PRUNE2: variants seen among roughly 807,000 people sequenced by gnomAD.
PRUNE2 encodes the protein protein prune homolog 2.
A neutral mutation model predicts 252.0 loss-of-function variants in PRUNE2; 164 were observed. The ratio of observed to expected loss-of-function variants is 0.65; its 90% CI spans 0.57 to 0.74. The LOEUF is 0.74. PRUNE2 is among the 30% of genes least tolerant of loss of function. The pLI is 0.00. For synonymous variants in PRUNE2, 1,292 were observed against 1,350.2 expected, an observed-to-expected ratio of 0.96 and a Z score of 0.94; for missense variants, 3,495 against 3,711.0, an observed-to-expected ratio of 0.94 and a Z score of 1.51.
At chr9:76,614,696 A>G in intron 18 of PRUNE2, 96 bp from the exon 19 acceptor site, 1 of 892,020 alleles carries the variant, frequency 1.1e-6, no homozygotes, top group East Asian at 2.5e-5. Flanking sequence ...TTTTCCTCAA[A>G]GGACATACTG....
chr9:76,799,071 T>C (rs2056344066), intron 6 of PRUNE2, among the ~76,000 whole-genome samples: 2 of 152,202 alleles, frequency 1.3e-5, no homozygotes, highest in Admixed American at 1.3e-4. Context: ...CCAAACGCGG[T>C]GGCTCACGCC....
intron 6 of PRUNE2, among the ~76,000 whole-genome samples, chr9:76,790,404 C>A (rs1027259460): frequency 1.3e-5 from 2 of 152,156 alleles, no homozygotes; most frequent in African/African-American, 2.4e-5. Flanking sequence ...AATTTTCATG[C>A]CAGTAAAACA....
At chr9:76,854,760 G>A (rs2060147828) in intron 1 of PRUNE2, among the ~76,000 whole-genome samples, 1 of 151,932 alleles carries the variant, frequency 6.6e-6, no homozygotes, top group Non-Finnish European at 1.5e-5. Context: ...AAAATTAATT[G>A]TTCTTAAAAG....
chr9:76,672,338 A>C (rs1336866199), intron 9 of PRUNE2, among the ~76,000 whole-genome samples: 5 of 109,922 alleles, frequency 4.5e-5, no homozygotes, highest in African/African-American at 6.9e-5. Flanking sequence ...GGATCAATTC[A>C]ACAAGAAGAG....
At chr9:76,826,787 G>C (rs918737416) in intron 4 of PRUNE2, 55 bp from the exon 5 acceptor site, 249 of 1,405,998 alleles carry the variant, frequency 1.8e-4, no homozygotes, top group Non-Finnish European at 2.6e-5. Flanking sequence ...CCAGAACAGG[G>C]GCCAAGAAAA....
rs192169784 is a variant in PRUNE2 at position 76,840,885 on chromosome 9, G to A, written c.508+5630C>T. Among the ~76,000 whole-genome samples, 314 of 152,160 alleles carry A rather than the reference G, an allele frequency of 2.1e-3. 1 individual carries two copies. The highest frequency in any genetic ancestry group is 6.8e-3 in the African/African-American group (283 of 41,520). On this transcript the variant is annotated intron_variant, in intron 4 of 18. Transcript: ENST00000376718. ...AATCCCAGCTACTTGAGAGGCTGACGCAGGAGAATCGCTTGAACCCGAGAG... is the reference window on the plus strand; with the variant it reads ...AATCCCAGCTACTTGAGAGGCTGACACAGGAGAATCGCTTGAACCCGAGAG...
At chr9:76,697,768 T>C (rs1336174147) in intron 9 of PRUNE2, among the ~76,000 whole-genome samples, 1 of 152,202 alleles carries the variant, frequency 6.6e-6, no homozygotes, top group Non-Finnish European at 1.5e-5. Context: ...ACTTTCTCAT[T>C]TCTGGATGAC....
At chr9:76,657,840 T>C (rs1221082599) in intron 9 of PRUNE2, among the ~76,000 whole-genome samples, 3 of 152,204 alleles carry the variant, frequency 2.0e-5, no homozygotes, top group Non-Finnish European at 2.9e-5. Flanking sequence ...GATAATCTTA[T>C]TACTGCACAA....
chr9:76,763,649 T>C (rs745511105), intron 6 of PRUNE2, among the ~76,000 whole-genome samples: 9 of 152,140 alleles, frequency 5.9e-5, no homozygotes, highest in Non-Finnish European at 1.3e-4. Flanking sequence ...CTGTGCTCTC[T>C]GAGGACTGAG....
intron 11 of PRUNE2, 122 bp from the exon 12 acceptor site, chr9:76,645,031 C>T: frequency 1.2e-6 from 1 of 844,328 alleles, no homozygotes; most frequent in African/African-American, 1.7e-5. Context: ...TTGTTTCATC[C>T]TGCAGAAACA....
chr9:76,638,413 T>G, intron 12 of PRUNE2, 125 bp from the exon 13 acceptor site: 1 of 656,708 alleles, frequency 1.5e-6, no homozygotes. Flanking sequence ...CAGCATGAAA[T>G]GGGGATTATG....
chr9:76,858,339 G>T (rs570826024), intron 1 of PRUNE2, among the ~76,000 whole-genome samples: 1 of 152,138 alleles, frequency 6.6e-6, no homozygotes, highest in African/African-American at 2.4e-5. Flanking sequence ...CTGAGGTGAG[G>T]TTCATTAGAA....
intron 1 of PRUNE2, among the ~76,000 whole-genome samples, chr9:76,855,082 A>AAAAAAAATATATAT (rs1490285240): frequency 9.1e-6 from 1 of 109,438 alleles, no homozygotes; most frequent in African/African-American, 3.9e-5. Flanking sequence ...AAAAAAAAAA[A>AAAAAAAATATATAT]ATATATATAT....
chr9:76,697,663 A>T (rs684639), intron 9 of PRUNE2, among the ~76,000 whole-genome samples: 76,365 of 152,136 alleles, frequency 0.5, 20,753 homozygotes, highest in Middle Eastern at 0.72. Context: ...AACCTATAGA[A>T]GCAGCTCAAG....
intron 4 of PRUNE2, among the ~76,000 whole-genome samples, chr9:76,831,006 T>C (rs1359502228): frequency 6.6e-6 from 1 of 151,708 alleles, no homozygotes; most frequent in African/African-American, 2.4e-5. Context: ...CTCGGCTCTC[T>C]GCAAGCTCCA....
intron 9 of PRUNE2, among the ~76,000 whole-genome samples, chr9:76,684,021 T>G (rs28568744): frequency 6.6e-6 from 1 of 151,728 alleles, no homozygotes; most frequent in Non-Finnish European, 1.5e-5. Context: ...TTGACATATA[T>G]TTACACTGTA....
chr9:76,704,059 T>C lies in PRUNE2; in HGVS notation c.7554A>G (p.Thr2518=). The part of the protein sequence containing the change: ...KEISELEEEK[T]IPTKEPEQIK... ...TCTGCTCAGGCTCTTTGGTAGGAAT[T>C]GTTTTTTCTTCTTCCAATTCTGATA... Residue 2518 remains threonine, a synonymous_variant, in exon 9 of 19, where the codon ACA becomes ACG. Coordinates refer to ENST00000376718, the MANE Select transcript of PRUNE2 (RefSeq NM_015225.3). 2 of 1,601,552 alleles carry C rather than the reference T, an allele frequency of 1.2e-6. No homozygotes were observed. Among genetic ancestry groups the C allele is most frequent in the South Asian group, 2.3e-5 (2 of 88,810 alleles).
chr9:76,900,481 A>C (rs929562706), intron 1 of PRUNE2, among the ~76,000 whole-genome samples: 1 of 152,128 alleles, frequency 6.6e-6, no homozygotes, highest in Non-Finnish European at 1.5e-5. Flanking sequence ...AACGCTAGAG[A>C]TTTTGAGTAC....
intron 9 of PRUNE2, among the ~76,000 whole-genome samples, chr9:76,676,506 T>C (rs1485513721): frequency 6.6e-6 from 1 of 152,186 alleles, no homozygotes; most frequent in African/African-American, 2.4e-5. Flanking sequence ...ATATGGATAA[T>C]ATCTAGGAAG....
Sources: gnomAD v4.1 joint callset for allele counts (sites outside exome capture counted in the v4.1 genomes callset) on GRCh38, gnomAD v4.1.1 for gene constraint, MANE v1.5 for transcripts, NCBI Gene and HGNC (gene_info 2026-07-23, HGNC 2026-07-21) for gene names.